Variants in MDGA2 observed in about 807,000 individuals in gnomAD.
MDGA2 encodes the protein MAM domain containing glycosylphosphatidylinositol anchor 2.
MDGA2 carries 40 observed loss-of-function variants against 117.8 expected under a neutral mutation model. That is an observed-to-expected ratio of 0.34 (90% CI 0.26 to 0.44). The LOEUF is 0.44. MDGA2 is among the 20% of genes least tolerant of loss of function. MDGA2 has a pLI of 1.00. For missense variants in MDGA2, 1,123 were observed against 1,250.6 expected, an observed-to-expected ratio of 0.90 and a Z score of 1.54; for synonymous variants, 452 against 439.0, an observed-to-expected ratio of 1.03 and a Z score of -0.37.
At chr14:47,419,764 A>G (rs1385871926) in intron 1 of MDGA2, among the ~76,000 whole-genome samples, 1 of 152,008 alleles carries the variant, frequency 6.6e-6, no homozygotes, top group Non-Finnish European at 1.5e-5. Context: ...ATTTAAGTTG[A>G]TAATTGTGGA....
chr14:47,563,541 T>C (rs375207479), intron 1 of MDGA2, among the ~76,000 whole-genome samples: 25 of 151,808 alleles, frequency 1.6e-4, no homozygotes, highest in African/African-American at 4.8e-4. Flanking sequence ...AAAGTCTGTT[T>C]TGTCTGAAAT....
rs148049055 is a variant in MDGA2, at chr14:46,935,321, A to G, written c.2090-15161T>C. On this transcript the variant is annotated intron_variant, in intron 9 of 16. Coordinates refer to ENST00000399232, the MANE Select transcript of MDGA2 (RefSeq NM_001113498.3). ...CACACTTTAGTTCTCTTACCAATCCAGCTCACCCTACATATCCCGCACCTA... is the reference window on the plus strand; with the variant it reads ...CACACTTTAGTTCTCTTACCAATCCGGCTCACCCTACATATCCCGCACCTA... Among the ~76,000 whole-genome samples, 265 of 152,216 alleles carry G rather than the reference A, an allele frequency of 1.7e-3. 2 individuals are homozygous for G. The highest frequency in any genetic ancestry group is 3.1e-3 in the Non-Finnish European group (213 of 68,004).
intron 15 of MDGA2, among the ~76,000 whole-genome samples, chr14:46,850,684 A>G (rs1331257869): frequency 6.6e-6 from 1 of 151,944 alleles, no homozygotes; most frequent in Non-Finnish European, 1.5e-5. Flanking sequence ...ACAGCATAAT[A>G]GACATAGTGG....
chr14:46,935,873 T>C (rs1884761909), intron 9 of MDGA2, among the ~76,000 whole-genome samples: 1 of 152,116 alleles, frequency 6.6e-6, no homozygotes, highest in African/African-American at 2.4e-5. Context: ...CACTTCCATT[T>C]TACTTGACAG....
rs1594937436 is a variant in MDGA2 at position 47,599,572 on chromosome 14, G to T, written c.280+74945C>A. Among the ~76,000 whole-genome samples the T allele has an allele frequency of 4.6e-5, 7 of 152,250 alleles. 1 individual carries two copies. The Middle Eastern group carries it at 0.02, about 444-fold the overall frequency. On this transcript the variant is annotated intron_variant, in intron 1 of 16. Transcript: ENST00000399232. The stretch of plus-strand genomic sequence containing the variant: ...AACAATAGGCCTTAAAAAAGTTACT[G>T]ACTTTGCCTCCATTTCCCCCTTTGA...
chr14:47,255,461 T>G (rs529348219), intron 2 of MDGA2, among the ~76,000 whole-genome samples: 1 of 152,316 alleles, frequency 6.6e-6, no homozygotes, highest in African/African-American at 2.4e-5. Context: ...AGATTCAGGT[T>G]GTTAACACTT....
In MDGA2 at chr14:47,489,371, A is replaced by G. The variant is rs192998583; in HGVS notation, c.280+185146T>C. Among the ~76,000 whole-genome samples, 937 of 152,190 alleles carry G rather than the reference A, an allele frequency of 6.2e-3. 8 individuals are homozygous for G. The highest frequency in any genetic ancestry group is 0.013 in the South Asian group (63 of 4,830). ...TATTACTAAATGAAATAGGCTTTTT[A>G]GTTTATGTTTTATCCCTGAACATCG... On this transcript the variant is annotated intron_variant, in intron 1 of 16. Coordinates refer to ENST00000399232, the MANE Select transcript of MDGA2 (RefSeq NM_001113498.3).
chr14:47,348,270 G>A (rs1365689676), intron 1 of MDGA2, among the ~76,000 whole-genome samples: 1 of 150,978 alleles, frequency 6.6e-6, no homozygotes, highest in Non-Finnish European at 1.5e-5. Context: ...AGGCTGGAGT[G>A]CACTGGTGTG....
intron 1 of MDGA2, among the ~76,000 whole-genome samples, chr14:47,463,459 AC>A (rs1378935340): frequency 2.8e-4 from 42 of 152,328 alleles, no homozygotes; most frequent in African/African-American, 8.9e-4. Context: ...AAATAATTGT[AC>A]ATCTTACAAC....
At chr14:47,422,159 T>C (rs1035308249) in intron 1 of MDGA2, among the ~76,000 whole-genome samples, 2 of 152,222 alleles carry the variant, frequency 1.3e-5, no homozygotes, top group Admixed American at 6.6e-5. Context: ...TCTTCCTTGG[T>C]TAAGCATTCT....
rs528188204 is a variant in MDGA2 at position 47,103,127 on chromosome 14, C to T, written c.926-6004G>A. Among the ~76,000 whole-genome samples, 175 of 152,322 alleles carry T rather than the reference C, an allele frequency of 1.1e-3. 1 individual carries two copies. Among genetic ancestry groups the T allele is most frequent in the Non-Finnish European group, 1.6e-3 (108 of 68,032 alleles). On this transcript the variant is annotated intron_variant, in intron 5 of 16. Coordinates refer to ENST00000399232, the MANE Select transcript of MDGA2 (RefSeq NM_001113498.3). Reference sequence around the variant, plus strand: ...ACACAATTAAGTTTCCGCTTCTGTTCCGTGACTCTACATTATTTAAACCAT... The same window carrying T: ...ACACAATTAAGTTTCCGCTTCTGTTTCGTGACTCTACATTATTTAAACCAT...
intron 3 of MDGA2, among the ~76,000 whole-genome samples, chr14:47,210,057 A>G (rs533237535): frequency 3.0e-4 from 46 of 152,316 alleles, no homozygotes; most frequent in African/African-American, 1.1e-3. Context: ...CTCATTGTCA[A>G]TAATATTTTG....
intron 8 of MDGA2, among the ~76,000 whole-genome samples, chr14:47,019,174 A>T (rs1043503805): frequency 3.3e-5 from 5 of 152,226 alleles, no homozygotes; most frequent in Admixed American, 2.6e-4. Flanking sequence ...AAATAGTTTC[A>T]TTACCTTGAA....
chr14:47,630,153 TA>T (rs1451362785), intron 1 of MDGA2, among the ~76,000 whole-genome samples: 1 of 151,954 alleles, frequency 6.6e-6, no homozygotes. Context: ...AGCATAAGTT[TA>T]AAAAAAGTCA....
intron 1 of MDGA2, among the ~76,000 whole-genome samples, chr14:47,492,474 G>A (rs959768748): frequency 7.9e-5 from 12 of 152,226 alleles, no homozygotes; most frequent in Non-Finnish European, 1.3e-4. Flanking sequence ...GTGTTTGTGT[G>A]TGTGGATATA....
At chr14:47,577,765 A>C (rs928106601) in intron 1 of MDGA2, among the ~76,000 whole-genome samples, 1 of 152,336 alleles carries the variant, frequency 6.6e-6, no homozygotes, top group South Asian at 2.1e-4. Context: ...AAAATTCAAT[A>C]AACAATAGAT....
At chr14:47,197,525 T>A (rs1314045219) in intron 3 of MDGA2, among the ~76,000 whole-genome samples, 1 of 152,164 alleles carries the variant, frequency 6.6e-6, no homozygotes, top group Non-Finnish European at 1.5e-5. Context: ...ATCTATGGTA[T>A]TGTTTGGTAA....
At chr14:47,453,364 G>A (rs1336318644) in intron 1 of MDGA2, among the ~76,000 whole-genome samples, 2 of 151,938 alleles carry the variant, frequency 1.3e-5, no homozygotes, top group Non-Finnish European at 2.9e-5. Context: ...AAAGTCTTTT[G>A]TCTTTGACAA....
chr14:47,498,421 T>C (rs1169035617), intron 1 of MDGA2, among the ~76,000 whole-genome samples: 1 of 152,146 alleles, frequency 6.6e-6, no homozygotes, highest in Non-Finnish European at 1.5e-5. Context: ...AAGCTGTTAC[T>C]GGAACAAGGC....
Sources: gnomAD v4.1 joint callset for allele counts (sites outside exome capture counted in the v4.1 genomes callset) on GRCh38, gnomAD v4.1.1 for gene constraint, MANE v1.5 for transcripts, NCBI Gene and HGNC (gene_info 2026-07-23, HGNC 2026-07-21) for gene names.